Variants in PHF2 observed in about 807,000 individuals in gnomAD.
PHF2 encodes the protein lysine-specific demethylase PHF2.
Under a neutral mutation model 120.5 loss-of-function variants are expected in PHF2, and 27 were observed. That is an observed-to-expected ratio of 0.22 (90% confidence interval 0.17 to 0.31). The LOEUF (loss-of-function observed/expected upper bound fraction) is 0.31. Among genes scored for constraint, PHF2 ranks in the 10% least tolerant of loss-of-function variants. PHF2 has a pLI of 1.00. For missense variants in PHF2, 1,024 were observed against 1,434.8 expected, an observed-to-expected ratio of 0.71 and a Z score of 4.63; for synonymous variants, 568 against 592.5, an observed-to-expected ratio of 0.96 and a Z score of 0.60.
At chr9:93,667,034 G>A in intron 16 of PHF2, 46 bp from the exon 17 acceptor site, 1 of 1,528,372 alleles carries the variant, frequency 6.5e-7, no homozygotes, top group Non-Finnish European at 8.8e-7. Flanking sequence ...GGCCACTTTG[G>A]TGGCCAGACC....
At chr9:93,616,003 C>T (rs889045585) in intron 1 of PHF2, among the ~76,000 whole-genome samples, 5 of 152,180 alleles carry the variant, frequency 3.3e-5, no homozygotes, top group Non-Finnish European at 5.9e-5. Context: ...TTTAGGAAAC[C>T]GCAGGAAAGT....
intron 1 of PHF2, among the ~76,000 whole-genome samples, chr9:93,585,009 T>C (rs1863011807): frequency 6.6e-6 from 1 of 152,272 alleles, no homozygotes; most frequent in African/African-American, 2.4e-5. Context: ...AGTGGTATTA[T>C]TTTCTTAACT....
At chr9:93,625,114 C>T (rs1392096315) in intron 1 of PHF2, among the ~76,000 whole-genome samples, 1 of 152,218 alleles carries the variant, frequency 6.6e-6, no homozygotes, top group Non-Finnish European at 1.5e-5. Context: ...ACCCACTAAA[C>T]AGTAACTCCT....
chr9:93,663,109 G>A, intron 13 of PHF2, 83 bp downstream of exon 13: 2 of 1,566,674 alleles, frequency 1.3e-6, no homozygotes, highest in East Asian at 2.3e-5. Context: ...GGCCCTGTGT[G>A]TGTGAAGGAA....
At chr9:93,636,725 C>A (rs764305276) in intron 3 of PHF2, among the ~76,000 whole-genome samples, 200 bp downstream of exon 3, 23 of 152,244 alleles carry the variant, frequency 1.5e-4, no homozygotes, top group Admixed American at 3.3e-4. Context: ...ACCTCTCCTT[C>A]CCTTGGTCAG....
In PHF2 at chr9:93,654,562, C is replaced by T. The variant is rs1328778126; in HGVS notation, c.939C>T (p.Leu313=). 1 of 1,613,740 alleles carries T rather than the reference C, an allele frequency of 6.2e-7. No individual in the cohort carries two copies. The highest frequency in any genetic ancestry group is 8.5e-7 in the Non-Finnish European group (1 of 1,179,998). ...YKCIVKQGQT[L]FIPSGWIYAT... is the part of the protein sequence containing the mutation. ...GCATCGTCAAGCAGGGCCAGACCCT[C>T]TTCATCCCCTCAGGTGAGTGCGGGC... The change falls in exon 7 of 22, where the codon CTC becomes CTT. Residue 313 remains leucine (L), a synonymous_variant. Transcript: ENST00000359246.
chr9:93,672,273 T>C (rs1587722145), intron 17 of PHF2: 1 of 163,062 alleles, frequency 6.1e-6, no homozygotes, highest in Admixed American at 6.9e-5. Context: ...GGTGTGGGTG[T>C]GGATGTAGGT....
intron 5 of PHF2, among the ~76,000 whole-genome samples, chr9:93,650,417 C>T (rs778643731): frequency 6.6e-6 from 1 of 152,214 alleles, no homozygotes; most frequent in East Asian, 1.9e-4. Context: ...AACACCTGCA[C>T]ACACCCGTGT....
At chr9:93,601,282 G>A (rs1587672763) in intron 1 of PHF2, among the ~76,000 whole-genome samples, 1 of 152,214 alleles carries the variant, frequency 6.6e-6, no homozygotes, top group Non-Finnish European at 1.5e-5. Flanking sequence ...CATGGTGGGA[G>A]CCTCTTGAGG....
At chr9:93,630,534 T>C (rs886676187) in intron 2 of PHF2, among the ~76,000 whole-genome samples, 2 of 152,180 alleles carry the variant, frequency 1.3e-5, no homozygotes, top group African/African-American at 4.8e-5. Flanking sequence ...ACCCACCTCT[T>C]CCTCTGCAGA....
intron 1 of PHF2, among the ~76,000 whole-genome samples, chr9:93,594,528 G>T (rs7044283): frequency 0.14 from 21,650 of 152,178 alleles, 3,404 homozygotes; most frequent in African/African-American, 0.38. Flanking sequence ...TCACCCCAAG[G>T]GTCTACTGCA....
intron 1 of PHF2, among the ~76,000 whole-genome samples, chr9:93,595,213 T>C (rs1825310283): frequency 6.6e-6 from 1 of 152,218 alleles, no homozygotes; most frequent in African/African-American, 2.4e-5. Context: ...TACTAAATAA[T>C]TACTTACACA....
chr9:93,667,879 G>A (rs1320959791), intron 17 of PHF2, among the ~76,000 whole-genome samples: 5 of 152,158 alleles, frequency 3.3e-5, no homozygotes, highest in Non-Finnish European at 4.4e-5. Flanking sequence ...TTGGATTGAG[G>A]AAGATGGAGC....
At chr9:93,665,956 C>A in intron 15 of PHF2, 34 bp from the exon 16 acceptor site, 3 of 1,612,434 alleles carry the variant, frequency 1.9e-6, no homozygotes, top group Non-Finnish European at 2.5e-6. Flanking sequence ...CCCCGCAAGG[C>A]CTCCCGCTGG....
intron 5 of PHF2, 74 bp from the exon 6 acceptor site, chr9:93,653,105 A>C (rs1322658216): frequency 2.9e-6 from 4 of 1,388,464 alleles, no homozygotes; most frequent in Non-Finnish European, 4.0e-6. Flanking sequence ...GCCTCACAGA[A>C]CATGTTTCCC....
At chr9:93,587,256 A>C (rs13294381) in intron 1 of PHF2, among the ~76,000 whole-genome samples, 41,538 of 100,646 alleles carry the variant, frequency 0.41, 6,519 homozygotes, top group Non-Finnish European at 0.46. Flanking sequence ...GGATGATGGA[A>C]GAGCCCTGGG....
At position 93,611,364 on chromosome 9, in the gene PHF2, G is replaced by A. The variant is rs151303490; in HGVS notation, c.99-18606G>A. On this transcript the variant is annotated intron_variant, in intron 1 of 21. Coordinates refer to ENST00000359246, the MANE Select transcript of PHF2 (RefSeq NM_005392.4). ...CAGGAGGTGGACATTGCAGTGAGCC[G>A]AGATCATGCCATTGCACTCCAGCCT... is the stretch of plus-strand genomic sequence containing the variant. 2.2e-3 allele frequency among the ~76,000 whole-genome samples: 332 copies of A among 150,854 alleles called. 2 individuals are homozygous for A. Among genetic ancestry groups the A allele is most frequent in the African/African-American group, 7.8e-3 (319 of 41,118 alleles).
intron 17 of PHF2, among the ~76,000 whole-genome samples, chr9:93,672,139 T>G (rs1587722019): frequency 2.5e-5 from 2 of 79,424 alleles, no homozygotes; most frequent in Admixed American, 1.2e-4. Context: ...CGGATGTAGG[T>G]ACAGGTGTAG....
At chr9:93,588,358 C>T (rs532487007) in intron 1 of PHF2, among the ~76,000 whole-genome samples, 45 of 152,280 alleles carry the variant, frequency 3.0e-4, no homozygotes, top group Middle Eastern at 6.8e-3. Flanking sequence ...GCTCTGGAGT[C>T]AGCTAGGGTG....
Sources: gnomAD v4.1 joint callset for allele counts (sites outside exome capture counted in the v4.1 genomes callset) on GRCh38, gnomAD v4.1.1 for gene constraint, MANE v1.5 for transcripts, NCBI Gene and HGNC (gene_info 2026-07-23, HGNC 2026-07-21) for gene names.